The following ENOSF1 variants were observed in gnomAD, a reference collection of about 807,000 sequenced individuals.
ENOSF1 encodes the protein enolase superfamily member 1.
In ENOSF1, 73 loss-of-function variants were observed where a neutral mutation model predicts 68.2. The observed-to-expected ratio is 1.07, with a 90% CI of 0.89 to 1.30. ENOSF1 has a LOEUF of 1.30. ENOSF1 is among the 50% of genes most tolerant of loss of function. ENOSF1 has a pLI of 0.00. For synonymous variants in ENOSF1, 223 were observed against 210.4 expected (o/e 1.06, Z -0.52); for missense variants, 589 against 554.5 (o/e 1.06, Z -0.62).
At chr18:666,888 G>A (rs1033984891), downstream of ENOSF1, among the ~76,000 whole-genome samples, 12 of 90,950 alleles carry the variant, frequency 1.3e-4, no homozygotes, top group Non-Finnish European at 1.9e-4. Flanking sequence ...GAAAAAGTTC[G>A]GGAGATGGTG....
intron 2 of ENOSF1, among the ~76,000 whole-genome samples, chr18:699,140 G>A (rs1483868508): frequency 6.6e-6 from 1 of 152,162 alleles, no homozygotes; most frequent in Admixed American, 6.6e-5. Flanking sequence ...GATTACAGGT[G>A]TGAGCCACCA....
In ENOSF1 at chr18:694,253, C is replaced by T. The variant is rs768965801; in HGVS notation, c.391G>A (p.Gly131Arg). The change falls in exon 4 of 16, where the codon GGA becomes AGA. Residue 131 changes from glycine to arginine, a missense_variant. Physicochemically the swap from Gly to Arg is moderately radical, Grantham distance 125 (BLOSUM62 -2). Coordinates refer to ENST00000647584, the MANE Select transcript of ENOSF1 (RefSeq NM_017512.7). The stretch of plus-strand genomic sequence containing the variant: ...GCGTTTGTGAGAGGGGTTACCTTTC[C>T]CTCCTGCTTGGCCCACAAGTCCCAC... ...AVWDLWAKQE[G>R]KPVWKLLVDM... 1 of 1,614,126 alleles carries T rather than the reference C, an allele frequency of 6.2e-7. No individual in the cohort carries two copies. The highest frequency in any genetic ancestry group is 8.5e-7 in the Non-Finnish European group (1 of 1,180,018).
the ENOSF1 span, among the ~76,000 whole-genome samples, chr18:664,291 A>C: frequency 6.6e-6 from 1 of 150,714 alleles, no homozygotes; most frequent in African/African-American, 2.5e-5. Context: ...TGTGAGTGGA[A>C]GTTCACTCAT....
chr18:687,478 C>T (rs890048655), intron 9 of ENOSF1: 1 of 152,190 alleles, frequency 6.6e-6, no homozygotes, highest in African/African-American at 2.4e-5. Context: ...TCCTGCTCCA[C>T]AGGACACACT....
chr18:671,724 A>G lies in ENOSF1; in HGVS notation c.*2581T>C. The G allele has an allele frequency of 2.1e-6, 1 of 472,392 alleles. No homozygotes were observed. 29.3% of individuals were successfully genotyped at this position (472,392 alleles called of 1,614,324 possible). A position where few individuals can be genotyped will look rare whatever the true frequency, so the allele number is the denominator to read the frequency against. ...CATTCAAGCCAGGGGATTGTCCAAA[A>G]GGGGGCATTTTAACTCATTTTAACT... is the stretch of plus-strand genomic sequence containing the variant. On this transcript the variant is annotated 3_prime_UTR_variant, in exon 16 of 16. Coordinates refer to ENST00000647584, the MANE Select transcript of ENOSF1 (RefSeq NM_017512.7).
intron 15 of ENOSF1, 46 bp from the exon 16 acceptor site, chr18:674,452 C>A: frequency 8.2e-7 from 1 of 1,217,668 alleles, no homozygotes; most frequent in Non-Finnish European, 1.2e-6. Flanking sequence ...CCACCTGGAA[C>A]AAAAACAGAT....
At chr18:689,761 G>A (rs986610293) in intron 8 of ENOSF1, among the ~76,000 whole-genome samples, 1 of 151,720 alleles carries the variant, frequency 6.6e-6, no homozygotes, top group Non-Finnish European at 1.5e-5. Flanking sequence ...AGTGATAGGA[G>A]TGTCTTTTGT....
rs2075048853 is a variant in ENOSF1, at chr18:671,499, A to G, written c.*2806T>C. 1 of 1,221,208 alleles carries G rather than the reference A, an allele frequency of 8.2e-7. No homozygotes were observed. Among genetic ancestry groups the G allele is most frequent in the African/African-American group, 1.5e-5 (1 of 67,210 alleles). The allele number at this position is 1,221,208 out of a possible 1,614,324, so 75.6% of individuals were successfully genotyped here. A position where few individuals can be genotyped will look rare whatever the true frequency, so the allele number is the denominator to read the frequency against. ...TTGGGTTTGGTACCTTCTCTTGATA[A>G]AAGGTTGACTGTGGAACAGGCATCT... is the stretch of plus-strand genomic sequence containing the variant. On this transcript the variant is annotated 3_prime_UTR_variant, in exon 16 of 16. Coordinates refer to ENST00000647584, the MANE Select transcript of ENOSF1 (RefSeq NM_017512.7).
chr18:686,225 T>C, intron 9 of ENOSF1: 2 of 515,114 alleles, frequency 3.9e-6, no homozygotes, highest in South Asian at 3.0e-5. Flanking sequence ...AATTATCTGC[T>C]GACCTGGAGT....
In ENOSF1 at chr18:670,840, CAT is replaced by C; in HGVS notation, c.*3463_*3464del. On this transcript the variant is annotated 3_prime_UTR_variant, in exon 16 of 16. Transcript: ENST00000647584. ...TCGCCAGCTACGCCCTGCTCACGTA[CAT>C]GATTGCGCACATCACGGGCCTGAAG... is the stretch of plus-strand genomic sequence containing the variant. The C allele has an allele frequency of 6.2e-7, 1 of 1,614,062 alleles. No homozygotes were observed. The highest frequency in any genetic ancestry group is 8.5e-7 in the Non-Finnish European group (1 of 1,179,998).
At chr18:705,187 T>C (rs990661168) in intron 2 of ENOSF1, among the ~76,000 whole-genome samples, 3 of 152,204 alleles carry the variant, frequency 2.0e-5, no homozygotes, top group African/African-American at 7.2e-5. Flanking sequence ...ATGGTGCAAA[T>C]ATCCAAGGGA....
At chr18:677,609 G>A (rs2075643408) in intron 13 of ENOSF1, 134 bp downstream of exon 13, 2 of 1,338,198 alleles carry the variant, frequency 1.5e-6, no homozygotes, top group Non-Finnish European at 1.0e-6. Context: ...CCGGATTAAA[G>A]CTAAATGAGA....
rs2074998235 is a variant in ENOSF1 at position 670,607 on chromosome 18, TCTGTTTC to T, written c.*3691_*3697del. The T allele has an allele frequency of 2.0e-6, 3 of 1,475,866 alleles. No individual in the cohort carries two copies. The highest frequency in any genetic ancestry group is 2.8e-6 in the Non-Finnish European group (3 of 1,078,692). 91.4% of individuals were successfully genotyped at this position (1,475,866 alleles called of 1,614,324 possible). On this transcript the variant is annotated 3_prime_UTR_variant, in exon 16 of 16. Coordinates refer to ENST00000647584, the MANE Select transcript of ENOSF1 (RefSeq NM_017512.7). ...CTGGTCTCCACCATATGAGTTGGCT[TCTGTTTC>T]TCTCCTGTTTTACTTTGCCTTTAGC...
Position 694,203 on chromosome 18 carries a change from C to CAGTGTT in ENOSF1, c.396+44_396+45insAACACT, listed in dbSNP as rs577863638. 289 of 1,569,762 alleles carry CAGTGTT rather than the reference C, an allele frequency of 1.8e-4. No individual in the cohort carries two copies. In the African/African-American group the frequency reaches 3.2e-3, roughly 17 times the overall value. ...CTCTGTGCGTAGGGAAAGTCAGTGT[C>CAGTGTT]GTACAGCTCCCAGGAGCCTCCTGAG... On this transcript the variant is annotated intron_variant, in intron 4 of 15. Coordinates refer to ENST00000647584, the MANE Select transcript of ENOSF1 (RefSeq NM_017512.7).
intron 1 of ENOSF1, among the ~76,000 whole-genome samples, chr18:711,162 C>T (rs1282600923): frequency 2.0e-5 from 3 of 151,512 alleles, no homozygotes; most frequent in Admixed American, 1.3e-4. Flanking sequence ...AGATAAGAGA[C>T]CCTGCCTCAA....
Position 710,490 on chromosome 18 carries a change from G to A in ENOSF1, c.84+2014C>T, listed in dbSNP as rs188059610. Among the ~76,000 whole-genome samples, 82 of 152,208 alleles carry A rather than the reference G, an allele frequency of 5.4e-4. 1 individual carries two copies. In the Middle Eastern group the frequency reaches 0.034, roughly 64 times the overall value. On this transcript the variant is annotated intron_variant, in intron 1 of 15. Transcript: ENST00000647584. ...CCTTCTGCTTCAGTTTCCTCAGAGT[G>A]AATAGTAATTACAGCCACCCCTCCT...
intron 13 of ENOSF1, 76 bp from the exon 14 acceptor site, chr18:677,520 T>C (rs2075634863): frequency 2.9e-6 from 4 of 1,363,408 alleles, no homozygotes; most frequent in East Asian, 2.3e-5. Context: ...CTTTCTGGTT[T>C]TTCTTATTGC....
chr18:667,969 T>C (rs899710581), downstream of ENOSF1, among the ~76,000 whole-genome samples: 1 of 149,350 alleles, frequency 6.7e-6, no homozygotes, highest in African/African-American at 2.5e-5. Context: ...TTGTTTTTAA[T>C]TTTGTTTTAC....
At chr18:675,660 A>C (rs1309097455) in intron 14 of ENOSF1, 1 of 447,558 alleles carries the variant, frequency 2.2e-6, no homozygotes, top group Non-Finnish European at 4.0e-6. Context: ...GTGCCCTTTA[A>C]AAGGGATCAA....
Sources: allele counts gnomAD v4.1 joint callset (sites outside exome capture counted in the v4.1 genomes callset), GRCh38; gene constraint gnomAD v4.1.1; transcripts MANE v1.5; gene names NCBI Gene and HGNC (gene_info 2026-07-23, HGNC 2026-07-21).